ANK1: variants seen among roughly 807,000 people sequenced by gnomAD.
The protein encoded by ANK1 is ankyrin 1.
ANK1 carries 51 observed loss-of-function variants against 210.4 expected under a neutral mutation model. The ratio of observed to expected loss-of-function variants is 0.24; its 90% CI spans 0.19 to 0.31. ANK1 has a LOEUF of 0.31. Among genes scored for constraint, ANK1 ranks in the 10% least tolerant of loss-of-function variants. The pLI is 1.00. For synonymous variants in ANK1, 967 were observed against 1,025.9 expected, an observed-to-expected ratio of 0.94 and a Z score of 1.10; for missense variants, 2,051 against 2,504.4, an observed-to-expected ratio of 0.82 and a Z score of 3.86.
intron 1 of ANK1, among the ~76,000 whole-genome samples, chr8:41,885,791 C>G (rs953927587): frequency 6.6e-6 from 1 of 152,234 alleles, no homozygotes; most frequent in Non-Finnish European, 1.5e-5. Context: ...AATCTAGTGT[C>G]TCCATAAATT....
rs536192927 is a variant in ANK1, at chr8:41,783,988, G to A, written c.27+13524C>T. Among the ~76,000 whole-genome samples the A allele has an allele frequency of 1.1e-4, 17 of 151,742 alleles. No homozygotes were observed. In the East Asian group the frequency reaches 3.3e-3, roughly 29 times the overall value. ...CACTTGAGCCCAGGAGGTCGCGGCTGCAGTGGGCTATGATTGCATCACTGC... is the reference window on the plus strand; with the variant it reads ...CACTTGAGCCCAGGAGGTCGCGGCTACAGTGGGCTATGATTGCATCACTGC... On this transcript the variant is annotated intron_variant, in intron 1 of 42. Coordinates refer to ENST00000289734, the MANE Select transcript of ANK1 (RefSeq NM_000037.4).
intron 1 of ANK1, among the ~76,000 whole-genome samples, chr8:41,804,215 T>C (rs539971362): frequency 2.0e-5 from 3 of 152,254 alleles, no homozygotes; most frequent in African/African-American, 7.2e-5. Flanking sequence ...TGGCAGAAGC[T>C]CTCAGCTCCT....
intron 2 of ANK1, among the ~76,000 whole-genome samples, chr8:41,744,125 G>C (rs979225113): frequency 1.3e-5 from 2 of 152,210 alleles, no homozygotes; most frequent in African/African-American, 4.8e-5. Flanking sequence ...GCCCAGCTTA[G>C]ACTTGACCAT....
In ANK1 at chr8:41,725,783, G is replaced by C. The variant is rs1830533385; in HGVS notation, c.590C>G (p.Pro197Arg). The C allele has an allele frequency of 6.2e-7, 1 of 1,610,902 alleles. No individual in the cohort carries two copies. The highest frequency in any genetic ancestry group is 8.5e-7 in the Non-Finnish European group (1 of 1,179,766). The change falls in exon 6 of 43, where the codon CCC (proline) becomes CGC (arginine). Residue 197 changes from proline to arginine, a missense_variant. Around this residue, in one of 6 missense-constraint regions of ANK1, gnomAD observed 1,413 missense variants for 1,707.4 expected, o/e 0.83. Transcript: ENST00000289734. ...CACCTTGGAAAGCACGTCCGGGTTG[G>C]GGTCGTTCTGCAGCAGCACCGCAGC... ...RTAAVLLQNDPNPDVLSKTGF... is the reference protein window; with the variant it reads ...RTAAVLLQNDRNPDVLSKTGF...
At chr8:41,749,637 A>G (rs1586682116) in intron 2 of ANK1, among the ~76,000 whole-genome samples, 1 of 119,024 alleles carries the variant, frequency 8.4e-6, no homozygotes. Flanking sequence ...TTTGAGAAGG[A>G]GTTTCTCCCT....
chr8:41,822,146 GAA>G (rs1283046925), intron 1 of ANK1, among the ~76,000 whole-genome samples: 6 of 37,370 alleles, frequency 1.6e-4, no homozygotes, highest in African/African-American at 2.3e-4. Context: ...AAGAAAGAAA[GAA>G]AGAAAGAAAG....
rs182703872 is a variant in ANK1 at position 41,682,317 on chromosome 8, C to A, written c.4537+2227G>T. ...CTCTGGCAAGTCCTCGAGTGCCACCCGCTTCCCTTGCACCATGAGTCCCCC... is the reference window on the plus strand; with the variant it reads ...CTCTGGCAAGTCCTCGAGTGCCACCAGCTTCCCTTGCACCATGAGTCCCCC... On this transcript the variant is annotated intron_variant, in intron 37 of 42. Transcript: ENST00000289734. Among the ~76,000 whole-genome samples, 8 of 152,344 alleles carry A rather than the reference C, an allele frequency of 5.3e-5. No individual in the cohort carries two copies. In the East Asian group the frequency reaches 1.5e-3, roughly 29 times the overall value.
chr8:41,702,881 G>GTGA (rs1554554405), intron 20 of ANK1, among the ~76,000 whole-genome samples: 1 of 152,136 alleles, frequency 6.6e-6, no homozygotes, highest in Non-Finnish European at 1.5e-5. Context: ...GTGCAGTGGC[G>GTGA]TGATCTAGGC....
chr8:41,850,321 A>G (rs1255755789), intron 1 of ANK1, among the ~76,000 whole-genome samples: 1 of 152,126 alleles, frequency 6.6e-6, no homozygotes, highest in Non-Finnish European at 1.5e-5. Context: ...TCACCTGAGT[A>G]TAGTTGACAT....
intron 18 of ANK1, among the ~76,000 whole-genome samples, chr8:41,705,917 AC>A (rs1446505275): frequency 6.6e-6 from 1 of 152,212 alleles, no homozygotes; most frequent in African/African-American, 2.4e-5. Flanking sequence ...CATTCGCCCC[AC>A]TTTCTCACTG....
intron 1 of ANK1, among the ~76,000 whole-genome samples, chr8:41,894,796 T>C (rs1820142309): frequency 6.6e-6 from 1 of 151,454 alleles, no homozygotes; most frequent in East Asian, 2.0e-4. Context: ...TTCCCCTGCC[T>C]GACTCACAAG....
At chr8:41,740,245 C>T (rs761439471) in intron 2 of ANK1, among the ~76,000 whole-genome samples, 41 of 151,494 alleles carry the variant, frequency 2.7e-4, no homozygotes, top group Non-Finnish European at 5.0e-4. Context: ...ACTGCAACCT[C>T]CACCTCCCAA....
intron 13 of ANK1, 77 bp downstream of exon 13, chr8:41,716,876 G>A: frequency 6.9e-7 from 1 of 1,448,028 alleles, no homozygotes; most frequent in South Asian, 1.1e-5. Context: ...GCCCCGCCTG[G>A]AATGAGGATG....
chr8:41,716,819 A>T, intron 13 of ANK1, 134 bp downstream of exon 13: 1 of 907,602 alleles, frequency 1.1e-6, no homozygotes, highest in Non-Finnish European at 1.9e-6. Flanking sequence ...GGGCGCTCAG[A>T]GTGACCTGAT....
chr8:41,763,544 C>A (rs931688028), intron 1 of ANK1, among the ~76,000 whole-genome samples: 9 of 152,160 alleles, frequency 5.9e-5, no homozygotes, highest in Admixed American at 4.6e-4. Context: ...CTTTCCACTG[C>A]CCTTGACCCC....
intron 2 of ANK1, among the ~76,000 whole-genome samples, chr8:41,734,844 A>C (rs1563610466): frequency 1.3e-5 from 2 of 152,156 alleles, no homozygotes; most frequent in African/African-American, 4.8e-5. Context: ...TTGAGGCTAC[A>C]GTGAGCTGAG....
At chr8:41,805,651 C>T (rs762216065) in intron 1 of ANK1, among the ~76,000 whole-genome samples, 1 of 152,132 alleles carries the variant, frequency 6.6e-6, no homozygotes, top group Non-Finnish European at 1.5e-5. Flanking sequence ...TTCATTTGAA[C>T]ATAGCATAAT....
chr8:41,816,864 G>A (rs1431828041), intron 1 of ANK1, among the ~76,000 whole-genome samples: 4 of 152,172 alleles, frequency 2.6e-5, no homozygotes, highest in Admixed American at 2.6e-4. Context: ...ACCTTATCCA[G>A]AGATAGAAAA....
At chr8:41,850,742 A>G (rs1811087814) in intron 1 of ANK1, among the ~76,000 whole-genome samples, 1 of 152,242 alleles carries the variant, frequency 6.6e-6, no homozygotes, top group Admixed American at 6.5e-5. Context: ...TTGGCCTCCC[A>G]AAGTGCTGGG....
Sources: allele counts gnomAD v4.1 joint callset (sites outside exome capture counted in the v4.1 genomes callset), GRCh38; gene constraint gnomAD v4.1.1; regional missense constraint gnomAD v4.1.1; transcripts MANE v1.5; gene names NCBI Gene and HGNC (gene_info 2026-07-23, HGNC 2026-07-21).